ARHGEF3: variants seen among roughly 807,000 people sequenced by gnomAD.
ARHGEF3 encodes the protein Rho guanine nucleotide exchange factor 3, also known as 59.8 kDA protein.
Under a neutral mutation model 63.2 loss-of-function variants are expected in ARHGEF3, and 28 were observed. The observed-to-expected ratio is 0.44, with a 90% CI of 0.33 to 0.61. The LOEUF (loss-of-function observed/expected upper bound fraction) is 0.61. Among genes scored for constraint, ARHGEF3 ranks in the 20% least tolerant of loss-of-function variants. The probability of loss-of-function intolerance (pLI) is 0.03; values close to 1 mark genes in which losing one functional copy is unlikely to be tolerated. For synonymous variants in ARHGEF3, 266 were observed against 254.2 expected, an observed-to-expected ratio of 1.05 and a Z score of -0.44; for missense variants, 533 against 659.3, an observed-to-expected ratio of 0.81 and a Z score of 2.10.
At chr3:56,965,148 A>G (rs1179385328) in intron 2 of ARHGEF3, among the ~76,000 whole-genome samples, 1 of 152,148 alleles carries the variant, frequency 6.6e-6, no homozygotes, top group Non-Finnish European at 1.5e-5. Context: ...CCAGCTACTC[A>G]GCAGGCTGAG....
At chr3:56,823,679 G>A (rs957170754) in intron 4 of ARHGEF3, among the ~76,000 whole-genome samples, 1 of 152,076 alleles carries the variant, frequency 6.6e-6, no homozygotes, top group Non-Finnish European at 1.5e-5. Context: ...TGTTCCTTGG[G>A]GAGAGAAAGA....
At chr3:56,783,727 G>A (rs1176353324) in intron 1 of ARHGEF3, among the ~76,000 whole-genome samples, 1 of 152,114 alleles carries the variant, frequency 6.6e-6, no homozygotes, top group Non-Finnish European at 1.5e-5. Context: ...TGTTTCAGAC[G>A]CTGTATTTCT....
chr3:56,818,082 G>T (rs181188333), intron 4 of ARHGEF3, among the ~76,000 whole-genome samples: 2 of 152,292 alleles, frequency 1.3e-5, no homozygotes, highest in Admixed American at 1.3e-4. Context: ...TTTTATACCC[G>T]AGAGGTTAGG....
intron 1 of ARHGEF3, among the ~76,000 whole-genome samples, chr3:57,053,507 A>G (rs1361732460): frequency 6.6e-6 from 1 of 152,216 alleles, no homozygotes; most frequent in Non-Finnish European, 1.5e-5. Context: ...CACACCAATA[A>G]AGTAGTTTGC....
intron 1 of ARHGEF3, among the ~76,000 whole-genome samples, chr3:56,777,339 G>T (rs1031561023): frequency 2.0e-5 from 3 of 152,170 alleles, no homozygotes; most frequent in Non-Finnish European, 4.4e-5. Flanking sequence ...GGAAAGGAGA[G>T]AATAAAGGCA....
chr3:56,971,962 GC>G (rs35995504), intron 2 of ARHGEF3, among the ~76,000 whole-genome samples: 55,446 of 151,892 alleles, frequency 0.37, 12,102 homozygotes, highest in Non-Finnish European at 0.48. Context: ...GAGAGTATCT[GC>G]CCCACAGCAC....
intron 3 of ARHGEF3, among the ~76,000 whole-genome samples, chr3:56,904,910 T>C (rs1174337757): frequency 6.6e-6 from 1 of 152,194 alleles, no homozygotes; most frequent in African/African-American, 2.4e-5. Flanking sequence ...AAGTCCAAAC[T>C]CTACTCACAA....
chr3:57,040,629 A>G (rs1176926179), intron 1 of ARHGEF3, among the ~76,000 whole-genome samples: 1 of 151,992 alleles, frequency 6.6e-6, no homozygotes, highest in Non-Finnish European at 1.5e-5. Flanking sequence ...TTCTTAATAC[A>G]GGTATGATCC....
At chr3:56,906,689 A>G (rs1334415833) in intron 3 of ARHGEF3, among the ~76,000 whole-genome samples, 1 of 152,008 alleles carries the variant, frequency 6.6e-6, no homozygotes, top group African/African-American at 2.4e-5. Flanking sequence ...TACAAAAATT[A>G]GCTGGGCGTG....
chr3:57,077,822 C>T (rs1402016261), intron 1 of ARHGEF3, among the ~76,000 whole-genome samples: 1 of 152,180 alleles, frequency 6.6e-6, no homozygotes, highest in African/African-American at 2.4e-5. Flanking sequence ...CAAAGTTCAT[C>T]TCTAATCCCA....
At chr3:57,037,342 G>A (rs1579140928) in intron 1 of ARHGEF3, among the ~76,000 whole-genome samples, 2 of 152,256 alleles carry the variant, frequency 1.3e-5, no homozygotes, top group East Asian at 3.9e-4. Flanking sequence ...TTTCGGCCTA[G>A]AAACCAAGGT....
At chr3:57,014,049 C>T (rs1192619900) in intron 2 of ARHGEF3, among the ~76,000 whole-genome samples, 5 of 152,150 alleles carry the variant, frequency 3.3e-5, no homozygotes, top group East Asian at 1.9e-4. Context: ...CCGCGAAGGT[C>T]TGGAGCTTCA....
At chr3:56,746,513 C>T (rs1192908011) in intron 6 of ARHGEF3, among the ~76,000 whole-genome samples, 8 of 152,104 alleles carry the variant, frequency 5.3e-5, no homozygotes, top group Admixed American at 6.6e-5. Flanking sequence ...AGGCGGATCA[C>T]GAGGTCAGGA....
At chr3:56,983,805 G>A (rs1701422815) in intron 2 of ARHGEF3, among the ~76,000 whole-genome samples, 2 of 152,100 alleles carry the variant, frequency 1.3e-5, no homozygotes, top group Admixed American at 6.5e-5. Context: ...GCGTGGTGGT[G>A]CACGCCTGTA....
chr3:56,932,196 G>C (rs1442872355), intron 3 of ARHGEF3, among the ~76,000 whole-genome samples: 3 of 151,998 alleles, frequency 2.0e-5, no homozygotes, highest in Non-Finnish European at 4.4e-5. Context: ...ACTCAAAATT[G>C]CCATTCAAAT....
At chr3:56,867,443 G>A (rs530697185) in intron 4 of ARHGEF3, among the ~76,000 whole-genome samples, 3 of 150,536 alleles carry the variant, frequency 2.0e-5, no homozygotes, top group East Asian at 2.0e-4. Flanking sequence ...GGGGAGTGCC[G>A]AGGAGTTAAA....
chr3:56,887,188 T>C (rs751758134), intron 3 of ARHGEF3, among the ~76,000 whole-genome samples: 6 of 152,160 alleles, frequency 3.9e-5, no homozygotes, highest in Non-Finnish European at 7.3e-5. Context: ...GAATGTCTGG[T>C]AGTGTTTGTT....
chr3:56,836,252 G>A (rs1263219733), intron 4 of ARHGEF3, among the ~76,000 whole-genome samples: 3 of 152,174 alleles, frequency 2.0e-5, no homozygotes, highest in African/African-American at 7.2e-5. Context: ...TTCCTTTAGG[G>A]AAGAAAGCCA....
At chr3:57,067,827 AC>A (rs1456138942) in intron 1 of ARHGEF3, among the ~76,000 whole-genome samples, 207 of 150,532 alleles carry the variant, frequency 1.4e-3, no homozygotes, top group Middle Eastern at 3.4e-3. Flanking sequence ...AAAAAAAAAA[AC>A]AAAACAAAAA....
Sources: gnomAD v4.1 joint callset for allele counts (sites outside exome capture counted in the v4.1 genomes callset) on GRCh38, gnomAD v4.1.1 for gene constraint, MANE v1.5 for transcripts, NCBI Gene and HGNC (gene_info 2026-07-23, HGNC 2026-07-21) for gene names.